Variants in LRRC4C observed in about 807,000 individuals in gnomAD.
LRRC4C encodes leucine-rich repeat-containing protein 4C.
Under a neutral mutation model 33.6 loss-of-function variants are expected in LRRC4C, and 5 were observed. The observed-to-expected ratio is 0.15, with a 90% CI of 0.08 to 0.31. LRRC4C has a LOEUF of 0.31. Among genes scored for constraint, LRRC4C ranks in the 10% least tolerant of loss-of-function variants. The pLI is 1.00. For synonymous variants in LRRC4C, 329 were observed against 302.0 expected, an observed-to-expected ratio of 1.09 and a Z score of -0.93; for missense variants, 560 against 796.7, an observed-to-expected ratio of 0.70 and a Z score of 3.58.
chr11:40,218,701 A>G (rs1403422615), intron 5 of LRRC4C, among the ~76,000 whole-genome samples: 1 of 128,178 alleles, frequency 7.8e-6, no homozygotes, highest in African/African-American at 3.5e-5. Flanking sequence ...GAATCTATCT[A>G]TCTATCTATC....
intron 4 of LRRC4C, among the ~76,000 whole-genome samples, chr11:40,299,971 A>G (rs2136657162): frequency 6.6e-6 from 1 of 152,308 alleles, no homozygotes; most frequent in Non-Finnish European, 1.5e-5. Flanking sequence ...TGGGTAATTG[A>G]TAAGAAAACA....
chr11:40,703,131 T>A (rs1945960426), intron 2 of LRRC4C, among the ~76,000 whole-genome samples: 1 of 152,078 alleles, frequency 6.6e-6, no homozygotes, highest in Non-Finnish European at 1.5e-5. Flanking sequence ...GAGATATTTT[T>A]GGTTGTTGTA....
chr11:40,874,332 C>T (rs1249760898), intron 2 of LRRC4C, among the ~76,000 whole-genome samples: 5 of 151,582 alleles, frequency 3.3e-5, no homozygotes, highest in Admixed American at 2.6e-4. Context: ...ATTTTTTTTT[C>T]CAGTAACTCT....
intron 3 of LRRC4C, among the ~76,000 whole-genome samples, chr11:40,577,876 C>T (rs1419531424): frequency 2.1e-5 from 3 of 141,334 alleles, no homozygotes; most frequent in African/African-American, 5.3e-5. Context: ...CGCTCTGTCG[C>T]CCAGGCTGGA....
intron 2 of LRRC4C, among the ~76,000 whole-genome samples, chr11:40,706,749 G>A (rs1946186789): frequency 6.6e-6 from 1 of 152,166 alleles, no homozygotes; most frequent in Non-Finnish European, 1.5e-5. Flanking sequence ...TGTGAAGAAA[G>A]TCATTGGTAG....
At chr11:40,525,560 G>GA (rs773668226) in intron 3 of LRRC4C, among the ~76,000 whole-genome samples, 2 of 151,756 alleles carry the variant, frequency 1.3e-5, no homozygotes, top group Non-Finnish European at 2.9e-5. Context: ...AAGGAAAAAA[G>GA]AAAAAAATCT....
intron 2 of LRRC4C, among the ~76,000 whole-genome samples, chr11:40,792,060 C>CT (rs750227203): frequency 6.6e-6 from 1 of 151,878 alleles, no homozygotes; most frequent in African/African-American, 2.4e-5. Context: ...TTAGTTTGAA[C>CT]TTTTTTAACT....
rs539888504 is a variant in LRRC4C at position 41,392,565 on chromosome 11, A to AC, written c.-496+66865_-496+66866insG. On this transcript the variant is annotated intron_variant, in intron 1 of 6. Transcript: ENST00000528697. ...CCACCTCCCCCAAACAAACAAACAA[A>AC]AAAAAAAACATCGTTACCTAGAACT... Among the ~76,000 whole-genome samples, 54 of 151,680 alleles carry AC rather than the reference A, an allele frequency of 3.6e-4. No homozygotes were observed. In the East Asian group the frequency reaches 5.5e-3, roughly 15 times the overall value.
intron 1 of LRRC4C, among the ~76,000 whole-genome samples, chr11:41,005,080 G>T (rs540583371): frequency 6.6e-6 from 1 of 152,200 alleles, no homozygotes; most frequent in South Asian, 2.1e-4. Flanking sequence ...TAGAAATCTG[G>T]CTGGCACCTC....
At chr11:41,282,687 C>T (rs569241945) in intron 1 of LRRC4C, among the ~76,000 whole-genome samples, 39 of 152,190 alleles carry the variant, frequency 2.6e-4, no homozygotes, top group African/African-American at 9.4e-4. Flanking sequence ...GCAGCAGTAA[C>T]CAAGAAGCTA....
At chr11:41,346,211 T>C (rs1312118770) in intron 1 of LRRC4C, among the ~76,000 whole-genome samples, 2 of 152,176 alleles carry the variant, frequency 1.3e-5, no homozygotes, top group South Asian at 2.1e-4. Context: ...TGTCAGTCGT[T>C]AATATTTAAA....
At chr11:41,458,882 A>G (rs1313997659) in intron 1 of LRRC4C, among the ~76,000 whole-genome samples, 1 of 152,110 alleles carries the variant, frequency 6.6e-6, no homozygotes, top group African/African-American at 2.4e-5. Flanking sequence ...TCCAATTAAG[A>G]GCTGGTGAAG....
chr11:40,291,178 A>C (rs548757478), intron 4 of LRRC4C, among the ~76,000 whole-genome samples: 25 of 152,200 alleles, frequency 1.6e-4, no homozygotes, highest in African/African-American at 6.0e-4. Context: ...GGAAGGGGAA[A>C]AGTTCTGTAA....
At chr11:40,587,217 A>C (rs942084349) in intron 3 of LRRC4C, among the ~76,000 whole-genome samples, 3 of 150,600 alleles carry the variant, frequency 2.0e-5, no homozygotes, top group Admixed American at 6.6e-5. Flanking sequence ...ATTCCTAGGT[A>C]TTTTATTCTC....
chr11:40,406,658 G>C (rs1455438681), intron 3 of LRRC4C, among the ~76,000 whole-genome samples: 1 of 152,040 alleles, frequency 6.6e-6, no homozygotes, highest in Non-Finnish European at 1.5e-5. Flanking sequence ...AAAGTCTCTA[G>C]ATTATGCATA....
In LRRC4C at chr11:40,392,887, C is replaced by T. The variant is rs566558265; in HGVS notation, c.-269-73166G>A. 2.3e-4 allele frequency among the ~76,000 whole-genome samples: 35 copies of T among 152,044 alleles called. No homozygotes were observed. The South Asian group carries it at 6.2e-3, about 27-fold the overall frequency. The stretch of plus-strand genomic sequence containing the variant: ...TTTGCTGAGTGCTCGCGAAATGCCC[C>T]GCTGAATATTTCTTGGTGGGATAAA... On this transcript the variant is annotated intron_variant, in intron 3 of 6. Transcript: ENST00000528697.
intron 3 of LRRC4C, among the ~76,000 whole-genome samples, chr11:40,500,639 G>T (rs1245778112): frequency 3.9e-5 from 6 of 151,956 alleles, no homozygotes; most frequent in African/African-American, 1.5e-4. Flanking sequence ...CAGTACCACA[G>T]GTACAGTACG....
At chr11:40,664,473 G>A (rs1591406344) in intron 2 of LRRC4C, among the ~76,000 whole-genome samples, 1 of 148,970 alleles carries the variant, frequency 6.7e-6, no homozygotes, top group East Asian at 2.0e-4. Context: ...TGAACCCGAT[G>A]GGTGGAGGTT....
intron 1 of LRRC4C, among the ~76,000 whole-genome samples, chr11:41,074,177 T>C (rs2135440786): frequency 6.6e-6 from 1 of 152,218 alleles, no homozygotes; most frequent in South Asian, 2.1e-4. Flanking sequence ...AAAGAGAAAC[T>C]CCACAAGATG....
Sources: gnomAD v4.1 joint callset for allele counts (sites outside exome capture counted in the v4.1 genomes callset) on GRCh38, gnomAD v4.1.1 for gene constraint, MANE v1.5 for transcripts, NCBI Gene and HGNC (gene_info 2026-07-23, HGNC 2026-07-21) for gene names.